Variants in TYW1B observed in about 807,000 individuals in gnomAD.
TYW1B encodes the protein tRNA-yW synthesizing protein 1 homolog B.
TYW1B carries 73 observed loss-of-function variants against 86.9 expected under a neutral mutation model. The ratio of observed to expected loss-of-function variants is 0.84; its 90% CI spans 0.70 to 1.02. TYW1B has a LOEUF of 1.02. TYW1B is among the 50% of genes least tolerant of loss of function. The pLI is 0.00. For missense variants in TYW1B, 637 were observed against 827.4 expected, an observed-to-expected ratio of 0.77 and a Z score of 2.82; for synonymous variants, 248 against 292.8, an observed-to-expected ratio of 0.85 and a Z score of 1.56.
Position 72,581,609 on chromosome 7 carries a change from C to T in TYW1B, c.1786-5890G>A, listed in dbSNP as rs182618547. Among the ~76,000 whole-genome samples the T allele has an allele frequency of 3.2e-3, 492 of 152,010 alleles. 3 individuals carry two copies. Among genetic ancestry groups the T allele is most frequent in the African/African-American group, 0.011 (456 of 41,440 alleles). ...GAGTAGCTGGGATTACAGGTGTGCA[C>T]CACCATACCCAGCTAATTTTTGTAT... is the stretch of plus-strand genomic sequence containing the variant. On this transcript the variant is annotated intron_variant, in intron 13 of 13. Coordinates refer to ENST00000620995, the MANE Select transcript of TYW1B (RefSeq NM_001145440.3).
At chr7:72,813,614 C>T (rs1554478815) in intron 3 of TYW1B, among the ~76,000 whole-genome samples, 1 of 152,184 alleles carries the variant, frequency 6.6e-6, no homozygotes, top group African/African-American at 2.4e-5. Flanking sequence ...GGCTCAGGGG[C>T]CACACTTTGA....
chr7:72,611,402 G>A (rs1811928648), intron 13 of TYW1B, among the ~76,000 whole-genome samples: 1 of 152,128 alleles, frequency 6.6e-6, no homozygotes, highest in South Asian at 2.1e-4. Context: ...GGACCTGGTG[G>A]GAGATAACTG....
At chr7:72,643,531 C>G (rs2844160) in intron 11 of TYW1B, among the ~76,000 whole-genome samples, 5 of 151,536 alleles carry the variant, frequency 3.3e-5, no homozygotes, top group Admixed American at 1.3e-4. Context: ...AGGTGGCAGT[C>G]AGCCAAGATC....
In TYW1B at chr7:72,592,160, T is replaced by TAAA. The variant is rs56146824; in HGVS notation, c.1786-16444_1786-16442dup. Among the ~76,000 whole-genome samples, 231 of 103,360 alleles carry TAAA rather than the reference T, an allele frequency of 2.2e-3. 7 individuals carry two copies. The highest frequency in any genetic ancestry group is 8.1e-3 in the African/African-American group (197 of 24,254). 67.8% of individuals were successfully genotyped at this position (103,360 alleles called of 152,430 possible). A position where few individuals can be genotyped will look rare whatever the true frequency, so the allele number is the denominator to read the frequency against. Reference sequence around the variant, plus strand: ...TTTCTATGTTAACACACTAATGTGTTAAAAAAAAAAAAAAAAAAAAAAAAA... The same window carrying TAAA: ...TTTCTATGTTAACACACTAATGTGTTAAAAAAAAAAAAAAAAAAAAAAAAAAAA... On this transcript the variant is annotated intron_variant, in intron 13 of 13. Transcript: ENST00000620995.
chr7:72,610,736 C>T (rs181200905), intron 13 of TYW1B, among the ~76,000 whole-genome samples: 9 of 152,314 alleles, frequency 5.9e-5, no homozygotes, highest in Admixed American at 5.9e-4. Flanking sequence ...CTCAGCCTCC[C>T]GAGTAGCCAA....
chr7:72,703,338 C>A (rs563189101), intron 10 of TYW1B, among the ~76,000 whole-genome samples: 1 of 151,694 alleles, frequency 6.6e-6, no homozygotes, highest in Admixed American at 6.6e-5. Flanking sequence ...AGTATATTTT[C>A]TATTTCCACT....
At chr7:72,603,142 A>ATGGT (rs1811710735) in intron 13 of TYW1B, among the ~76,000 whole-genome samples, 1 of 151,608 alleles carries the variant, frequency 6.6e-6, no homozygotes, top group African/African-American at 2.4e-5. Context: ...GGATAGATGG[A>ATGGT]TGGACAGATG....
At chr7:72,811,270 C>CAAAA (rs1243709262) in intron 3 of TYW1B, among the ~76,000 whole-genome samples, 1 of 67,774 alleles carries the variant, frequency 1.5e-5, no homozygotes, top group African/African-American at 5.7e-5. Context: ...GACTCCATCT[C>CAAAA]AAAAAAAAAA....
Position 72,711,234 on chromosome 7 carries a change from C to T in TYW1B, c.1370+2387G>A, listed in dbSNP as rs1407564721. 3.9e-5 allele frequency among the ~76,000 whole-genome samples: 6 copies of T among 152,158 alleles called. No homozygotes were observed. In the South Asian group the frequency reaches 6.2e-4, roughly 16 times the overall value. ...AAAGCAGACTCGGGGCTATGCCTGC[C>T]GCGCAGAAAGATATATGGGAACAGA... On this transcript the variant is annotated intron_variant, in intron 10 of 13. Transcript: ENST00000620995.
At chr7:72,750,380 A>G (rs1232972724) in intron 7 of TYW1B, among the ~76,000 whole-genome samples, 2 of 152,114 alleles carry the variant, frequency 1.3e-5, no homozygotes, top group Non-Finnish European at 2.9e-5. Flanking sequence ...TTGAAATCCT[A>G]TTGTGCTACT....
intron 11 of TYW1B, among the ~76,000 whole-genome samples, chr7:72,647,806 T>G (rs1257252939): frequency 6.6e-6 from 1 of 152,018 alleles, no homozygotes; most frequent in Non-Finnish European, 1.5e-5. Context: ...CACCTCAGCC[T>G]CCCGAGTAGC....
rs868983407 is a variant in TYW1B, at chr7:72,735,210, C to T, written c.1083-6279G>A. ...AAGATACAGAACCAACCTAAGTGTC[C>T]GTCAGCAGATAAATGGATAAAGGAA... On this transcript the variant is annotated intron_variant, in intron 8 of 13. Coordinates refer to ENST00000620995, the MANE Select transcript of TYW1B (RefSeq NM_001145440.3). 2.6e-5 allele frequency among the ~76,000 whole-genome samples: 4 copies of T among 152,090 alleles called. No homozygotes were observed. In the South Asian group the frequency reaches 8.3e-4, roughly 31 times the overall value.
chr7:72,651,285 G>T (rs1194201747), intron 11 of TYW1B, among the ~76,000 whole-genome samples: 2 of 152,132 alleles, frequency 1.3e-5, no homozygotes, highest in Non-Finnish European at 2.9e-5. Context: ...ATCCACTTGG[G>T]GAGGGTGAAA....
intron 3 of TYW1B, among the ~76,000 whole-genome samples, chr7:72,813,757 G>A (rs1351476914): frequency 6.6e-6 from 1 of 152,078 alleles, no homozygotes; most frequent in Non-Finnish European, 1.5e-5. Flanking sequence ...GCTCATGCCT[G>A]TAATCCCAGC....
intron 2 of TYW1B, among the ~76,000 whole-genome samples, chr7:72,818,076 TAAAA>T (rs76441894): frequency 7.5e-6 from 1 of 132,882 alleles, no homozygotes; most frequent in Admixed American, 7.7e-5. Context: ...AGCTGGCTGT[TAAAA>T]AAAAAAAAAA....
intron 7 of TYW1B, among the ~76,000 whole-genome samples, chr7:72,751,616 C>T (rs1179670581): frequency 2.6e-5 from 4 of 152,102 alleles, no homozygotes; most frequent in Non-Finnish European, 4.4e-5. Flanking sequence ...TCAGTTAATT[C>T]CATCATTTGA....
Position 72,739,023 on chromosome 7 carries a change from T to C in TYW1B, c.1082+5461A>G, listed in dbSNP as rs1585944036. Reference sequence around the variant, plus strand: ...ATCACGTGAGCCCATGGGTTCAAGGTACCAGTGAGCTATGATTGCACCACT... The same window carrying C: ...ATCACGTGAGCCCATGGGTTCAAGGCACCAGTGAGCTATGATTGCACCACT... On this transcript the variant is annotated intron_variant, in intron 8 of 13. Transcript: ENST00000620995. Among the ~76,000 whole-genome samples, 3 of 152,182 alleles carry C rather than the reference T, an allele frequency of 2.0e-5. No homozygotes were observed. The South Asian group carries it at 6.2e-4, about 32-fold the overall frequency.
chr7:72,768,578 G>C (rs1430791864), intron 7 of TYW1B, among the ~76,000 whole-genome samples: 1 of 152,088 alleles, frequency 6.6e-6, no homozygotes, highest in Non-Finnish European at 1.5e-5. Flanking sequence ...ACGAGGTCAG[G>C]AGATCGAGAC....
intron 3 of TYW1B, among the ~76,000 whole-genome samples, chr7:72,812,748 T>C (rs1586004047): frequency 6.7e-6 from 1 of 149,038 alleles, no homozygotes; most frequent in South Asian, 2.1e-4. Context: ...CAGGCTGGAG[T>C]GCAGTGGCAT....
Sources: gnomAD v4.1 joint callset for allele counts (sites outside exome capture counted in the v4.1 genomes callset) on GRCh38, gnomAD v4.1.1 for gene constraint, MANE v1.5 for transcripts, NCBI Gene and HGNC (gene_info 2026-07-23, HGNC 2026-07-21) for gene names.